Variants in TRIB2 observed in about 807,000 individuals in gnomAD.
The protein encoded by TRIB2 is tribbles homolog 2.
A neutral mutation model predicts 26.8 loss-of-function variants in TRIB2; 2 were observed. That is an observed-to-expected ratio of 0.07 (90% CI 0.03 to 0.24). The LOEUF is 0.24. TRIB2 is among the 10% of genes least tolerant of loss of function. The pLI is 1.00. For synonymous variants in TRIB2, 189 were observed against 187.3 expected (o/e 1.01, Z -0.08); for missense variants, 306 against 449.0 (o/e 0.68, Z 2.88).
At chr2:12,739,484 T>TCCCGGCCTAAGGTGATC (rs67774911) in intron 2 of TRIB2, among the ~76,000 whole-genome samples, 3 of 151,538 alleles carry the variant, frequency 2.0e-5, no homozygotes, top group Non-Finnish European at 4.4e-5. Flanking sequence ...GGTCTTGAAC[T>TCCCGGCCTAAGGTGATC]CACCCGCCTT....
chr2:12,734,598 T>C (rs1157402123), intron 2 of TRIB2, among the ~76,000 whole-genome samples: 2 of 152,150 alleles, frequency 1.3e-5, no homozygotes, highest in African/African-American at 4.8e-5. Context: ...CCCCAGTTTT[T>C]TGCAGATCTA....
intron 2 of TRIB2, among the ~76,000 whole-genome samples, chr2:12,733,656 AATT>A (rs1310543683): frequency 1.3e-5 from 2 of 152,236 alleles, no homozygotes; most frequent in African/African-American, 2.4e-5. Context: ...TTGTTACTAT[AATT>A]ATTATTAGGA....
intron 2 of TRIB2, 65 bp downstream of exon 2, chr2:12,723,617 A>G (rs1328568482): frequency 4.3e-5 from 67 of 1,541,770 alleles, no homozygotes; most frequent in Admixed American, 5.9e-5. Flanking sequence ...GCTTCCTAGA[A>G]AAGTCTTGAA....
Position 12,723,496 on chromosome 2 carries a change from G to C in TRIB2, c.507G>C (p.Gly169=), listed in dbSNP as rs1417426008. The C allele has an allele frequency of 6.2e-7, 1 of 1,614,194 alleles. No individual in the cohort carries two copies. The highest frequency in any genetic ancestry group is 1.7e-5 in the Admixed American group (1 of 60,028). Residue 169 remains glycine (G), a synonymous_variant, in exon 2 of 3, where the codon GGG becomes GGC. Coordinates refer to ENST00000155926, the MANE Select transcript of TRIB2 (RefSeq NM_021643.4). ...CGGCAGTGGCCCACTGCCATGACGGGGGGCTGGTGCTGCGGGACCTCAAGC... is the reference window on the plus strand; with the variant it reads ...CGGCAGTGGCCCACTGCCATGACGGCGGGCTGGTGCTGCGGGACCTCAAGC... ...IASAVAHCHD[G]GLVLRDLKLR... is the part of the protein sequence containing the mutation.
rs1384760065 is a variant in TRIB2, at chr2:12,717,621, G to GT, written c.-684dup. On this transcript the variant is annotated 5_prime_UTR_variant, in exon 1 of 3. The change abolishes the stop of an existing upstream ORF in the 5' untranslated region. Coordinates refer to ENST00000155926, the MANE Select transcript of TRIB2 (RefSeq NM_021643.4). The surrounding 1 kb of genome is among the most constrained non-coding windows in gnomAD (Gnocchi z 4.8). ...CTTGCAATTTTTCTTTTTTTTGTTTGTTTGTTTAATTTTTGGAGAGCTCGC... is the reference window on the plus strand; with the variant it reads ...CTTGCAATTTTTCTTTTTTTTGTTTGTTTTGTTTAATTTTTGGAGAGCTCGC... The GT allele has an allele frequency of 5.0e-6, 2 of 396,392 alleles. No individual in the cohort carries two copies. Among genetic ancestry groups the GT allele is most frequent in the Non-Finnish European group, 8.9e-6 (2 of 225,238 alleles). The allele number at this position is 396,392 out of a possible 1,614,324, so 24.6% of individuals were successfully genotyped here.
intron 2 of TRIB2, among the ~76,000 whole-genome samples, chr2:12,730,375 G>C (rs778138015): frequency 6.6e-6 from 1 of 152,190 alleles, no homozygotes; most frequent in Non-Finnish European, 1.5e-5. Flanking sequence ...CAAATACTAG[G>C]TTGTCTCCAG....
rs188602575 is a variant in TRIB2, at chr2:12,726,609, G to T, written c.563+3057G>T. On this transcript the variant is annotated intron_variant, in intron 2 of 2. Coordinates refer to ENST00000155926, the MANE Select transcript of TRIB2 (RefSeq NM_021643.4). ...GGAAGCAATGGGTTAAATTTTAAAG[G>T]CTTTTGGAAAGCTAAACCACAGAGT... Among the ~76,000 whole-genome samples the T allele has an allele frequency of 4.2e-3, 633 of 152,342 alleles. 3 individuals are homozygous for T. Among genetic ancestry groups the T allele is most frequent in the African/African-American group, 0.015 (606 of 41,576 alleles).
At chr2:12,735,518 C>T (rs1661549688) in intron 2 of TRIB2, among the ~76,000 whole-genome samples, 1 of 152,096 alleles carries the variant, frequency 6.6e-6, no homozygotes, top group Non-Finnish European at 1.5e-5. Flanking sequence ...CTTGCCTTGC[C>T]AGCCGTAGGA....
Position 12,717,952 on chromosome 2 carries a change from G to A in TRIB2, c.-356G>A, listed in dbSNP as rs77773048. Reference sequence around the variant, plus strand: ...TGGGGGTCGCGTCGGGAGCCCTGGCGCTGCAGCTCCGCACCTTAGCAGCCC... The same window carrying A: ...TGGGGGTCGCGTCGGGAGCCCTGGCACTGCAGCTCCGCACCTTAGCAGCCC... On this transcript the variant is annotated 5_prime_UTR_variant, in exon 1 of 3. Transcript: ENST00000155926. The surrounding 1 kb of genome is among the most constrained non-coding windows in gnomAD (Gnocchi z 4.8). 40,748 of 252,858 alleles carry A rather than the reference G, an allele frequency of 0.16. 4,190 individuals are homozygous for A. The highest frequency in any genetic ancestry group is 0.21 in the Non-Finnish European group (28,185 of 132,794). The allele number at this position is 252,858 out of a possible 1,614,324, so 15.7% of individuals were successfully genotyped here. A position where few individuals can be genotyped will look rare whatever the true frequency, so the allele number is the denominator to read the frequency against.
In TRIB2 at chr2:12,723,413, C is replaced by G; in HGVS notation, c.424C>G (p.Arg142Gly). 1 of 1,614,192 alleles carries G rather than the reference C, an allele frequency of 6.2e-7. No individual in the cohort carries two copies. The change falls in exon 2 of 3, where the codon CGC becomes GGC. Residue 142 changes from arginine (R) to glycine (G), a missense_variant. Coordinates refer to ENST00000155926, the MANE Select transcript of TRIB2 (RefSeq NM_021643.4). The stretch of plus-strand genomic sequence containing the variant: ...CTATGGGGACATGCATTCCTTCGTC[C>G]GCACCTGCAAGAAGCTGAGAGAGGA... ...RSYGDMHSFV[R>G]TCKKLREEEA...
chr2:12,716,952 G>A lies in TRIB2; in HGVS notation c.-1356G>A, dbSNP rs1216307675. Reference sequence around the variant, plus strand: ...TTGAATGGGGAGACCGAGCGCGAGCGAGGCGCGCGCGCGCACACGCGCACT... The same window carrying A: ...TTGAATGGGGAGACCGAGCGCGAGCAAGGCGCGCGCGCGCACACGCGCACT... On this transcript the variant is annotated 5_prime_UTR_variant, in exon 1 of 3. Coordinates refer to ENST00000155926, the MANE Select transcript of TRIB2 (RefSeq NM_021643.4). 1.3e-5 allele frequency: 2 copies of A among 153,468 alleles called. No homozygotes were observed. Among genetic ancestry groups the A allele is most frequent in the African/African-American group, 4.9e-5 (2 of 40,958 alleles). The allele number at this position is 153,468 out of a possible 1,614,324, so 9.5% of individuals were successfully genotyped here.
chr2:12,736,626 C>T (rs1007390480), intron 2 of TRIB2, among the ~76,000 whole-genome samples: 2 of 152,130 alleles, frequency 1.3e-5, no homozygotes, highest in African/African-American at 4.8e-5. Flanking sequence ...CCCCTGGGGT[C>T]GACAGCAGGA....
At chr2:12,728,373 A>G (rs752261504) in intron 2 of TRIB2, among the ~76,000 whole-genome samples, 1 of 143,230 alleles carries the variant, frequency 7.0e-6, no homozygotes, top group Non-Finnish European at 1.5e-5. Context: ...TCCCTGGCTC[A>G]CTCAAGATGC....
At position 12,718,568 on chromosome 2, in the gene TRIB2, G is replaced by A. The variant is rs1223856533; in HGVS notation, c.261G>A (p.Leu87=). The change falls in exon 1 of 3, where the codon CTG becomes CTA. Residue 87 remains leucine, a synonymous_variant. Transcript: ENST00000155926. This position sits in a 1 kb window ranked among gnomAD's most constrained non-coding sequence, Gnocchi z 4.0. The stretch of plus-strand genomic sequence containing the variant: ...TGCATCTGCACAGCGGAGAGGAGCT[G>A]GTGTGCAAGGTAAAGGGCCAGTGGG... ...RAVHLHSGEE[L]VCKVFDISCY... is the part of the protein sequence containing the mutation. The A allele has an allele frequency of 2.5e-6, 4 of 1,612,848 alleles. No homozygotes were observed. The highest frequency in any genetic ancestry group is 3.4e-6 in the Non-Finnish European group (4 of 1,178,952).
Position 12,740,503 on chromosome 2 carries a change from G to A in TRIB2, c.741G>A (p.Met247Ile), listed in dbSNP as rs750481302. 1.2e-6 allele frequency: 2 copies of A among 1,613,968 alleles called. No individual in the cohort carries two copies. The highest frequency in any genetic ancestry group is 8.5e-7 in the Non-Finnish European group (1 of 1,180,032). ...VWSLGVMLYT[M>I]LVGRYPFHDI... is the part of the protein sequence containing the mutation. Reference sequence around the variant, plus strand: ...GCCTGGGGGTGATGCTGTACACCATGTTGGTGGGGCGGTACCCTTTCCATG... The same window carrying A: ...GCCTGGGGGTGATGCTGTACACCATATTGGTGGGGCGGTACCCTTTCCATG... Residue 247 changes from methionine (M) to isoleucine (I), a missense_variant, in exon 3 of 3, where the codon ATG becomes ATA. Coordinates refer to ENST00000155926, the MANE Select transcript of TRIB2 (RefSeq NM_021643.4). The surrounding 1 kb of genome is among the most constrained non-coding windows in gnomAD (Gnocchi z 5.8).
chr2:12,727,211 G>C (rs749102151), intron 2 of TRIB2, among the ~76,000 whole-genome samples: 1 of 152,306 alleles, frequency 6.6e-6, no homozygotes, highest in Non-Finnish European at 1.5e-5. Context: ...AATAATAATG[G>C]CATTCCTGTC....
intron 2 of TRIB2, among the ~76,000 whole-genome samples, chr2:12,735,838 C>G (rs1661555556): frequency 6.6e-6 from 1 of 152,162 alleles, no homozygotes; most frequent in South Asian, 2.1e-4. Context: ...ACTAAAATTT[C>G]AGCCTCTGAA....
At chr2:12,729,249 C>T (rs1424847094) in intron 2 of TRIB2, among the ~76,000 whole-genome samples, 2 of 152,190 alleles carry the variant, frequency 1.3e-5, no homozygotes, top group African/African-American at 4.8e-5. Flanking sequence ...CATCTGTAGA[C>T]TGTCCTTGTC....
chr2:12,732,891 C>T lies in TRIB2; in HGVS notation c.564-7435C>T, dbSNP rs556162156. ...ACTTGACCCTTAAGCCTATCTGGAC[C>T]GCCTGACTGGACGGCCTTCAGTGAC... On this transcript the variant is annotated intron_variant, in intron 2 of 2. Transcript: ENST00000155926. This position sits in a 1 kb window ranked among gnomAD's most constrained non-coding sequence, Gnocchi z 4.2. Among the ~76,000 whole-genome samples the T allele has an allele frequency of 3.4e-4, 52 of 152,268 alleles. 1 individual carries two copies. In the Middle Eastern group the frequency reaches 0.014, roughly 40 times the overall value.
Sources: allele counts gnomAD v4.1 joint callset (sites outside exome capture counted in the v4.1 genomes callset), GRCh38; gene constraint gnomAD v4.1.1; non-coding constraint Gnocchi (gnomAD v3.1); transcripts MANE v1.5; gene names NCBI Gene and HGNC (gene_info 2026-07-23, HGNC 2026-07-21).